The following ZSCAN25 variants were observed in gnomAD, a reference collection of about 807,000 sequenced individuals.
ZSCAN25 encodes zinc finger and SCAN domain-containing protein 25.
In ZSCAN25, 27 loss-of-function variants were observed where a neutral mutation model predicts 38.7. The ratio of observed to expected loss-of-function variants is 0.70; its 90% confidence interval spans 0.51 to 0.96. The LOEUF is 0.96. Among genes scored for constraint, ZSCAN25 ranks in the 40% least tolerant of loss-of-function variants. The pLI is 0.00. For missense variants in ZSCAN25, 637 were observed against 705.9 expected (o/e 0.90, Z 1.11); for synonymous variants, 273 against 277.7 (o/e 0.98, Z 0.17).
At chr7:99,737,290 C>T in the ZSCAN25 span, among the ~76,000 whole-genome samples, 3 of 152,104 alleles carry the variant, frequency 2.0e-5, no homozygotes, top group African/African-American at 7.2e-5. Flanking sequence ...CTCTGGTGCA[C>T]CTGCCATTCC....
chr7:99,682,186 T>C, the ZSCAN25 span, among the ~76,000 whole-genome samples: 1 of 152,174 alleles, frequency 6.6e-6, no homozygotes, highest in Non-Finnish European at 1.5e-5. Context: ...GCCAGGCTGG[T>C]CTTGAACTCC....
the ZSCAN25 span, among the ~76,000 whole-genome samples, chr7:99,736,027 C>A: frequency 1.3e-5 from 2 of 152,148 alleles, no homozygotes; most frequent in Admixed American, 1.3e-4. Context: ...ATTCTGTTGG[C>A]AAGAGGACCC....
the ZSCAN25 span, chr7:99,638,397 T>G: frequency 1.9e-6 from 3 of 1,593,036 alleles, no homozygotes; most frequent in Non-Finnish European, 2.6e-6. Context: ...GGGCAGGTCC[T>G]GCTTGTTGGT....
chr7:99,631,612 A>G lies in ZSCAN25; in HGVS notation c.*1592A>G. The G allele has an allele frequency of 4.1e-6, 4 of 984,194 alleles. No homozygotes were observed. The highest frequency in any genetic ancestry group is 4.8e-6 in the Non-Finnish European group (4 of 829,696). The allele number at this position is 984,194 out of a possible 1,614,324, so 61.0% of individuals were successfully genotyped here. On this transcript the variant is annotated 3_prime_UTR_variant, in exon 8 of 8. Coordinates refer to ENST00000394152, the MANE Select transcript of ZSCAN25 (RefSeq NM_145115.3). ...ATGCCTCTTAATACCAGATTCTTTTACTGAGATTTTTTTTTTTCATTTTCC... is the reference window on the plus strand; with the variant it reads ...ATGCCTCTTAATACCAGATTCTTTTGCTGAGATTTTTTTTTTTCATTTTCC...
At chr7:99,704,179 A>G in the ZSCAN25 span, among the ~76,000 whole-genome samples, 28 of 152,296 alleles carry the variant, frequency 1.8e-4, no homozygotes, top group African/African-American at 6.7e-4. Context: ...GTAAGAAAAC[A>G]TATTTCCTGT....
the ZSCAN25 span, chr7:99,735,059 C>A: frequency 5.8e-5 from 93 of 1,614,104 alleles, 1 homozygote; most frequent in African/African-American, 1.1e-3. Context: ...CAGGAGAAGC[C>A]AGGTTTCCAC....
At chr7:99,645,051 C>T in the ZSCAN25 span, among the ~76,000 whole-genome samples, 3 of 152,166 alleles carry the variant, frequency 2.0e-5, no homozygotes, top group Admixed American at 6.5e-5. Context: ...AGTGCAATGG[C>T]GCGATCTTGG....
the ZSCAN25 span, among the ~76,000 whole-genome samples, chr7:99,724,439 C>T: frequency 6.6e-6 from 1 of 152,140 alleles, no homozygotes; most frequent in Non-Finnish European, 1.5e-5. Context: ...CTAGTCTCTG[C>T]TCCCAGTGTG....
the ZSCAN25 span, chr7:99,676,578 T>C: frequency 7.4e-7 from 1 of 1,353,480 alleles, no homozygotes; most frequent in Non-Finnish European, 9.8e-7. Context: ...ACTCTCATCC[T>C]AGGTAGAAAG....
the ZSCAN25 span, among the ~76,000 whole-genome samples, chr7:99,736,845 G>A: frequency 2.0e-5 from 3 of 152,156 alleles, no homozygotes; most frequent in Non-Finnish European, 4.4e-5. Flanking sequence ...GTGGGTGAAT[G>A]TCATGTGCAG....
chr7:99,705,547 T>G, the ZSCAN25 span: 3 of 1,613,686 alleles, frequency 1.9e-6, no homozygotes, highest in Non-Finnish European at 2.5e-6. Flanking sequence ...TTTAGAACAA[T>G]GGGTTTTTCT....
the ZSCAN25 span, chr7:99,652,250 C>T: frequency 6.1e-5 from 10 of 163,612 alleles, no homozygotes; most frequent in Admixed American, 1.2e-4. Context: ...ATCAAGTAAG[C>T]AGCAATTCAA....
the ZSCAN25 span, chr7:99,717,437 C>T: frequency 6.3e-7 from 1 of 1,588,816 alleles, no homozygotes; most frequent in Non-Finnish European, 8.6e-7. Flanking sequence ...CAGACTACTC[C>T]TCGGAAAGGA....
chr7:99,636,929 G>A (rs1448667833), downstream of ZSCAN25, among the ~76,000 whole-genome samples: 1 of 152,042 alleles, frequency 6.6e-6, no homozygotes, highest in African/African-American at 2.4e-5. Context: ...CATCCCTCAA[G>A]TCTACACATC....
the ZSCAN25 span, among the ~76,000 whole-genome samples, chr7:99,642,286 G>A: frequency 6.6e-6 from 1 of 152,240 alleles, no homozygotes; most frequent in East Asian, 1.9e-4. Context: ...TGTGAAGGCA[G>A]TGATGCTTAG....
At chr7:99,733,232 A>G in the ZSCAN25 span, among the ~76,000 whole-genome samples, 6 of 152,260 alleles carry the variant, frequency 3.9e-5, no homozygotes, top group East Asian at 9.6e-4. Flanking sequence ...TAAACTTTCT[A>G]CATGTTACAT....
At chr7:99,682,055 G>T in the ZSCAN25 span, among the ~76,000 whole-genome samples, 1 of 151,990 alleles carries the variant, frequency 6.6e-6, no homozygotes, top group Non-Finnish European at 1.5e-5. Flanking sequence ...TGCCACCTCC[G>T]CCTCCTGGGT....
the ZSCAN25 span, chr7:99,714,555 C>T: frequency 1.2e-6 from 2 of 1,612,484 alleles, no homozygotes; most frequent in Non-Finnish European, 1.7e-6. Context: ...CACGTTTTAC[C>T]TTTTGTGTCT....
downstream of ZSCAN25, among the ~76,000 whole-genome samples, chr7:99,634,871 G>A (rs762485131): frequency 1.7e-4 from 26 of 152,090 alleles, no homozygotes; most frequent in Non-Finnish European, 3.1e-4. Flanking sequence ...GAACCCGGGG[G>A]GCGGAGGTTG....
Sources: gnomAD v4.1 joint callset for allele counts (sites outside exome capture counted in the v4.1 genomes callset) on GRCh38, gnomAD v4.1.1 for gene constraint, MANE v1.5 for transcripts, NCBI Gene and HGNC (gene_info 2026-07-23, HGNC 2026-07-21) for gene names.